Variants in CACNA2D3 observed in about 807,000 individuals in gnomAD.
The protein encoded by CACNA2D3 is voltage-dependent calcium channel subunit alpha-2/delta-3.
In CACNA2D3, 60 loss-of-function variants were observed where a neutral mutation model predicts 160.6. The ratio of observed to expected loss-of-function variants is 0.37; its 90% CI spans 0.30 to 0.46. The LOEUF (loss-of-function observed/expected upper bound fraction) is 0.46, where lower values mean the gene tolerates loss of function less well. CACNA2D3 is among the 20% of genes least tolerant of loss of function. The pLI, the probability that CACNA2D3 is intolerant of heterozygous loss-of-function variation, is 1.00. For missense variants in CACNA2D3, 1,205 were observed against 1,365.0 expected (o/e 0.88, Z 1.85); for synonymous variants, 558 against 492.9 (o/e 1.13, Z -1.75).
chr3:54,811,055 T>G (rs1172859516), intron 13 of CACNA2D3, among the ~76,000 whole-genome samples: 1 of 152,172 alleles, frequency 6.6e-6, no homozygotes, highest in African/African-American at 2.4e-5. Context: ...CGCTGTCCTC[T>G]GCCTACACTC....
intron 17 of CACNA2D3, among the ~76,000 whole-genome samples, chr3:54,848,017 A>G (rs1322214006): frequency 6.6e-6 from 1 of 152,164 alleles, no homozygotes; most frequent in Non-Finnish European, 1.5e-5. Flanking sequence ...AATGAAATGG[A>G]ATCAGATGTC....
intron 11 of CACNA2D3, among the ~76,000 whole-genome samples, chr3:54,738,635 T>C (rs1701578745): frequency 1.3e-5 from 2 of 152,218 alleles, no homozygotes; most frequent in South Asian, 4.1e-4. Context: ...CCTGATTTGT[T>C]TGCTCCCTTG....
chr3:54,830,700 C>A (rs1703856582), intron 14 of CACNA2D3, among the ~76,000 whole-genome samples: 1 of 151,822 alleles, frequency 6.6e-6, no homozygotes, highest in Non-Finnish European at 1.5e-5. Flanking sequence ...GGTGATCCGC[C>A]CTCCCAAAGT....
Position 54,689,714 on chromosome 3 carries a change from C to T in CACNA2D3, c.1167+47473C>T, listed in dbSNP as rs188629470. 2.0e-3 allele frequency among the ~76,000 whole-genome samples: 306 copies of T among 151,908 alleles called. 1 individual carries two copies. Among genetic ancestry groups the T allele is most frequent in the Non-Finnish European group, 3.7e-3 (253 of 67,942 alleles). ...CTCGTGGCTCTACCTCCAGATATGC[C>T]GACTCTGACACACACACACACACAC... On this transcript the variant is annotated intron_variant, in intron 11 of 37. Coordinates refer to ENST00000474759, the MANE Select transcript of CACNA2D3 (RefSeq NM_018398.3).
At chr3:54,975,410 T>C (rs1472846401) in intron 29 of CACNA2D3, among the ~76,000 whole-genome samples, 1 of 150,796 alleles carries the variant, frequency 6.6e-6, no homozygotes, top group Non-Finnish European at 1.5e-5. Context: ...TCTCAGCTAC[T>C]CAGGAGGCTG....
intron 2 of CACNA2D3, among the ~76,000 whole-genome samples, chr3:54,288,825 G>A (rs367922392): frequency 0.072 from 10,883 of 151,702 alleles, 1,328 homozygotes; most frequent in African/African-American, 0.25. Flanking sequence ...CAAAAACCAC[G>A]TGATTATCTC....
chr3:54,319,157 G>GAGACACACAC (rs1491136611), intron 2 of CACNA2D3, among the ~76,000 whole-genome samples: 1 of 138,878 alleles, frequency 7.2e-6, no homozygotes, highest in Non-Finnish European at 1.5e-5. Flanking sequence ...AGCATTTTGT[G>GAGACACACAC]ACACACACAC....
intron 17 of CACNA2D3, among the ~76,000 whole-genome samples, chr3:54,855,340 G>A (rs919739054): frequency 2.6e-5 from 4 of 152,138 alleles, no homozygotes; most frequent in African/African-American, 9.7e-5. Flanking sequence ...AGATGGGTGG[G>A]TGCGCCCCAC....
intron 9 of CACNA2D3, among the ~76,000 whole-genome samples, chr3:54,605,057 G>T (rs1703140362): frequency 2.0e-5 from 3 of 152,146 alleles, no homozygotes; most frequent in Non-Finnish European, 4.4e-5. Flanking sequence ...AGTTTTGGTG[G>T]TTTTCCTGCA....
At chr3:54,281,902 GCA>G (rs1169962215) in intron 2 of CACNA2D3, among the ~76,000 whole-genome samples, 15 of 152,298 alleles carry the variant, frequency 9.8e-5, no homozygotes, top group Admixed American at 7.8e-4. Flanking sequence ...TCAGCAGATA[GCA>G]CAGAGTGGAG....
intron 5 of CACNA2D3, among the ~76,000 whole-genome samples, chr3:54,536,677 G>A (rs557700731): frequency 1.3e-5 from 2 of 152,330 alleles, no homozygotes; most frequent in East Asian, 1.9e-4. Context: ...CAGCCAGCAG[G>A]CCCCAAAAGC....
chr3:54,983,557 G>C (rs1350913130), intron 29 of CACNA2D3, among the ~76,000 whole-genome samples: 3 of 152,178 alleles, frequency 2.0e-5, no homozygotes, highest in African/African-American at 7.2e-5. Context: ...CTGTTCACCA[G>C]AGCAGCCAAC....
intron 11 of CACNA2D3, among the ~76,000 whole-genome samples, chr3:54,730,448 G>T (rs568376025): frequency 6.6e-6 from 1 of 152,322 alleles, no homozygotes; most frequent in East Asian, 1.9e-4. Context: ...TCACTTTGGA[G>T]TGTTTTGCCT....
At chr3:54,822,654 G>A (rs1028421785) in intron 14 of CACNA2D3, among the ~76,000 whole-genome samples, 5 of 152,170 alleles carry the variant, frequency 3.3e-5, no homozygotes, top group African/African-American at 1.2e-4. Flanking sequence ...AGGCACTCCA[G>A]CCGAAGCTAC....
intron 13 of CACNA2D3, among the ~76,000 whole-genome samples, chr3:54,813,581 C>G (rs2106705911): frequency 6.6e-6 from 1 of 152,036 alleles, no homozygotes; most frequent in Middle Eastern, 3.4e-3. Flanking sequence ...AGGCAGTTAC[C>G]CCGATTATCT....
At chr3:54,369,907 G>A (rs568258685) in intron 3 of CACNA2D3, among the ~76,000 whole-genome samples, 1 of 152,224 alleles carries the variant, frequency 6.6e-6, no homozygotes, top group East Asian at 1.9e-4. Context: ...TGCAGACTGC[G>A]ATAAGTAATT....
intron 28 of CACNA2D3, among the ~76,000 whole-genome samples, chr3:54,969,457 C>T (rs1702224329): frequency 6.6e-6 from 1 of 151,966 alleles, no homozygotes; most frequent in South Asian, 2.1e-4. Context: ...GATGGGATTT[C>T]GCCATGTGGC....
In CACNA2D3 at chr3:54,550,295, C is replaced by T. The variant is rs527484488; in HGVS notation, c.545-12505C>T. ...GAGGGGGCCATGAGAGAGGAACCCACGTTACTCACTGGCTGTGTGGTGTTT... is the reference window on the plus strand; with the variant it reads ...GAGGGGGCCATGAGAGAGGAACCCATGTTACTCACTGGCTGTGTGGTGTTT... On this transcript the variant is annotated intron_variant, in intron 5 of 37. Transcript: ENST00000474759. 4.6e-5 allele frequency among the ~76,000 whole-genome samples: 7 copies of T among 152,294 alleles called. No individual in the cohort carries two copies. The East Asian group carries it at 1.2e-3, about 25-fold the overall frequency.
chr3:54,984,459 C>T, intron 29 of CACNA2D3, 149 bp from the exon 30 acceptor site: 1 of 631,208 alleles, frequency 1.6e-6, no homozygotes, highest in East Asian at 2.9e-5. Flanking sequence ...AGCCTAGAAC[C>T]AGCAGGCTTT....
Sources: allele counts gnomAD v4.1 joint callset (sites outside exome capture counted in the v4.1 genomes callset), GRCh38; gene constraint gnomAD v4.1.1; transcripts MANE v1.5; gene names NCBI Gene and HGNC (gene_info 2026-07-23, HGNC 2026-07-21).